The following NFATC1 variants were observed in gnomAD, a reference collection of about 807,000 sequenced individuals.
The protein encoded by NFATC1 is nuclear factor of activated T cells 1, also known as nuclear factor of activated T-cells, cytoplasmic 1.
A neutral mutation model predicts 76.0 loss-of-function variants in NFATC1; 22 were observed. The ratio of observed to expected loss-of-function variants is 0.29; its 90% CI spans 0.21 to 0.41. The LOEUF (loss-of-function observed/expected upper bound fraction) is 0.41. Among genes scored for constraint, NFATC1 ranks in the 10% least tolerant of loss-of-function variants. NFATC1 has a pLI of 1.00. For missense variants in NFATC1, 1,357 were observed against 1,337.7 expected (o/e 1.01, Z -0.23); for synonymous variants, 704 against 613.1 (o/e 1.15, Z -2.19).
chr18:79,512,846 G>A (rs992325070), intron 9 of NFATC1, among the ~76,000 whole-genome samples: 13 of 152,214 alleles, frequency 8.5e-5, no homozygotes, highest in Admixed American at 3.9e-4. Context: ...GGGGAGGCGC[G>A]CTGACGGCCA....
intron 9 of NFATC1, among the ~76,000 whole-genome samples, chr18:79,491,603 G>A (rs1257118006): frequency 6.6e-6 from 1 of 152,220 alleles, no homozygotes; most frequent in Non-Finnish European, 1.5e-5. Flanking sequence ...GCAGGACGTG[G>A]GTATGGCAGG....
intron 2 of NFATC1, among the ~76,000 whole-genome samples, chr18:79,418,078 A>G (rs1478985549): frequency 1.3e-5 from 2 of 152,116 alleles, no homozygotes; most frequent in Non-Finnish European, 2.9e-5. Flanking sequence ...CCCTGCCACC[A>G]TGGGGTGGGT....
chr18:79,396,805 C>T (rs1391196063), intron 1 of NFATC1, among the ~76,000 whole-genome samples: 1 of 151,520 alleles, frequency 6.6e-6, no homozygotes, highest in Non-Finnish European at 1.5e-5. Context: ...GCGCCCCCCA[C>T]CCCCACCCCG....
At chr18:79,402,210 G>A (rs774528092) in intron 1 of NFATC1, 13 of 443,746 alleles carry the variant, frequency 2.9e-5, no homozygotes, top group East Asian at 3.2e-4. Context: ...AGGCTTATCC[G>A]GGAAGACGCA....
chr18:79,491,440 G>A (rs2089673791), intron 9 of NFATC1, among the ~76,000 whole-genome samples: 1 of 152,230 alleles, frequency 6.6e-6, no homozygotes, highest in Non-Finnish European at 1.5e-5. Context: ...AACAGGGAGA[G>A]AGCGAAAAGC....
intron 2 of NFATC1, among the ~76,000 whole-genome samples, chr18:79,420,086 T>C (rs186434003): frequency 2.0e-5 from 3 of 152,340 alleles, no homozygotes; most frequent in East Asian, 1.9e-4. Context: ...AGGTTTCCCA[T>C]GTGAGACCAT....
intron 2 of NFATC1, chr18:79,422,339 T>A (rs2086122833): frequency 6.6e-6 from 1 of 152,120 alleles, no homozygotes; most frequent in Non-Finnish European, 1.5e-5. Context: ...TTCCTGTGAG[T>A]AATAATGACA....
intron 9 of NFATC1, among the ~76,000 whole-genome samples, chr18:79,495,079 C>T (rs1228193717): frequency 6.6e-6 from 1 of 152,248 alleles, no homozygotes; most frequent in African/African-American, 2.4e-5. Flanking sequence ...GAAATGGGGG[C>T]AAGGATGGCA....
At chr18:79,503,595 T>C (rs1260910644) in intron 9 of NFATC1, among the ~76,000 whole-genome samples, 1 of 152,146 alleles carries the variant, frequency 6.6e-6, no homozygotes, top group Non-Finnish European at 1.5e-5. Flanking sequence ...TTCCGCGTCA[T>C]TCTTAGGGGC....
At position 79,486,616 on chromosome 18, in the gene NFATC1, C is replaced by T. The variant is rs781017399; in HGVS notation, c.2461C>T (p.Leu821=). The T allele has an allele frequency of 6.3e-7, 1 of 1,598,166 alleles. No homozygotes were observed. Among genetic ancestry groups the T allele is most frequent in the Non-Finnish European group, 8.5e-7 (1 of 1,176,004 alleles). Residue 821 remains leucine, a synonymous_variant, in exon 9 of 10, where the codon CTG becomes TTG. Transcript: ENST00000427363. ...PGSPGQPPPA[L]LPQQVSAPPS... ...CTCGCCCGGGCAGCCACCCCCGGCC[C>T]TGCTGCCACAGCAGGTGAGTGCGCC...
chr18:79,437,206 C>T (rs1311278293), intron 3 of NFATC1, among the ~76,000 whole-genome samples: 2 of 152,198 alleles, frequency 1.3e-5, no homozygotes, highest in South Asian at 2.1e-4. Flanking sequence ...AGGACAGTCC[C>T]GCCCCCTGTG....
At chr18:79,408,686 A>G (rs1440192669) in intron 1 of NFATC1, among the ~76,000 whole-genome samples, 1 of 152,232 alleles carries the variant, frequency 6.6e-6, no homozygotes. Flanking sequence ...ATCTGTTTAC[A>G]TATGTAGGTC....
At chr18:79,425,190 T>C (rs1462177628) in intron 2 of NFATC1, among the ~76,000 whole-genome samples, 1 of 151,574 alleles carries the variant, frequency 6.6e-6, no homozygotes, top group East Asian at 1.9e-4. Flanking sequence ...TCTGTCTCTG[T>C]CTCTCTGTTT....
intron 9 of NFATC1, among the ~76,000 whole-genome samples, chr18:79,518,066 G>T (rs1216124963): frequency 5.3e-5 from 8 of 152,190 alleles, no homozygotes. Context: ...CAGCCTGAGG[G>T]CGTCGTTGTC....
chr18:79,418,779 TATGGAGTTCAC>T (rs1404597051), intron 2 of NFATC1, among the ~76,000 whole-genome samples: 1 of 152,236 alleles, frequency 6.6e-6, no homozygotes, highest in Non-Finnish European at 1.5e-5. Flanking sequence ...TTTCTGCTGT[TATGGAGTTCAC>T]AGCTGACACT....
intron 7 of NFATC1, among the ~76,000 whole-genome samples, chr18:79,464,698 A>ATATT (rs1329123171): frequency 1.1e-5 from 1 of 94,876 alleles, no homozygotes; most frequent in African/African-American, 5.5e-5. Flanking sequence ...ATATATATTT[A>ATATT]TTTATTTATT....
rs779196017 is a variant in NFATC1, at chr18:79,448,958, C to G, written c.1563C>G (p.Leu521=). The change falls in exon 4 of 10, where the codon CTC becomes CTG. Residue 521 remains leucine, a synonymous_variant. Coordinates refer to ENST00000427363, the MANE Select transcript of NFATC1 (RefSeq NM_001278669.2). ...ACACCAAAGTCCTGGAGATCCCACT[C>G]CTGCCGGAGAACAGCATGCGAGCCG... ...LSNTKVLEIP[L]LPENSMRAVI... The G allele has an allele frequency of 7.4e-6, 12 of 1,613,250 alleles. No individual in the cohort carries two copies. The East Asian group carries it at 1.6e-4, about 21-fold the overall frequency.
In NFATC1 at chr18:79,524,046, C is replaced by T. The variant is rs920878387; in HGVS notation, c.2783-3482C>T. ...CAGCAGAGAGAGCTGGTATGGGAAA[C>T]CGTAGGTGTCATCGGCAACCATACC... On this transcript the variant is annotated intron_variant, in intron 9 of 9. Transcript: ENST00000427363. The surrounding 1 kb of genome is among the most constrained non-coding windows in gnomAD (Gnocchi z 7.2). 1.3e-5 allele frequency: 2 copies of T among 152,166 alleles called. No individual in the cohort carries two copies. Among genetic ancestry groups the T allele is most frequent in the Admixed American group, 1.3e-4 (2 of 15,280 alleles). 9.4% of individuals were successfully genotyped at this position (152,166 alleles called of 1,614,324 possible).
intron 2 of NFATC1, 53 bp from the exon 3 acceptor site, chr18:79,433,526 C>T: frequency 6.2e-7 from 1 of 1,608,866 alleles, no homozygotes; most frequent in East Asian, 2.2e-5. Context: ...CACGTGTGGC[C>T]CGGGCGAGGT....
Sources: allele counts gnomAD v4.1 joint callset (sites outside exome capture counted in the v4.1 genomes callset), GRCh38; gene constraint gnomAD v4.1.1; non-coding constraint Gnocchi (gnomAD v3.1); transcripts MANE v1.5; gene names NCBI Gene and HGNC (gene_info 2026-07-23, HGNC 2026-07-21).